Variants in LCN6 observed in about 807,000 individuals in gnomAD.
The protein encoded by LCN6 is epididymal-specific lipocalin-6.
LCN6 carries 20 observed loss-of-function variants against 21.4 expected under a neutral mutation model. The observed-to-expected ratio is 0.93, with a 90% CI of 0.66 to 1.36. The LOEUF (loss-of-function observed/expected upper bound fraction) is 1.36, where lower values mean the gene tolerates loss of function less well. Ranked by LOEUF, LCN6 falls within the 40% of genes most tolerant of loss-of-function variation. The pLI is 0.00. For synonymous variants in LCN6, 96 were observed against 89.0 expected, an observed-to-expected ratio of 1.08 and a Z score of -0.44; for missense variants, 217 against 206.6, an observed-to-expected ratio of 1.05 and a Z score of -0.31.
chr9:136,744,739 G>C lies in LCN6; in HGVS notation c.415C>G (p.Leu139Val), dbSNP rs533216985. The C allele has an allele frequency of 2.7e-4, 427 of 1,607,624 alleles. 1 individual carries two copies. The East Asian group carries it at 9.4e-3, about 35-fold the overall frequency. The change falls in exon 5 of 7, where the codon CTG becomes GTG. Residue 139 changes from leucine (L) to valine (V), a missense_variant and splice_region_variant. By Grantham distance (32) the Leu-to-Val change is conservative. Coordinates refer to ENST00000341206, the MANE Select transcript of LCN6 (RefSeq NM_198946.3). The surrounding 1 kb of genome is among the most constrained non-coding windows in gnomAD (Gnocchi z 4.2). ...GCCTCCTGGCTGGCTGTCTCCGTCA[G>C]ACCTGGGGGCACCAGGGCAGTGCAG... ...EPFNTVELYS[L>V]TETASQEAMG... is the part of the protein sequence containing the mutation.
In LCN6 at chr9:136,744,885, GC is replaced by G; in HGVS notation, c.413-145del. On this transcript the variant is annotated intron_variant, in intron 4 of 6. Transcript: ENST00000341206. The surrounding 1 kb of genome is among the most constrained non-coding windows in gnomAD (Gnocchi z 4.2). The stretch of plus-strand genomic sequence containing the variant: ...TCCAAAGCCACCTCCAGTGCAGCGA[GC>G]CTCAAGGTGGGGGAACTTGGCCTGC... The G allele has an allele frequency of 7.4e-6, 5 of 675,876 alleles. No individual in the cohort carries two copies. The highest frequency in any genetic ancestry group is 5.5e-5 in the East Asian group (2 of 36,636). The allele number at this position is 675,876 out of a possible 1,614,324, so 41.9% of individuals were successfully genotyped here. A position where few individuals can be genotyped will look rare whatever the true frequency, so the allele number is the denominator to read the frequency against.
chr9:136,747,174 TAGTC>T (rs1847049812), intron 2 of LCN6, among the ~76,000 whole-genome samples: 1 of 151,954 alleles, frequency 6.6e-6, no homozygotes, highest in Non-Finnish European at 1.5e-5. Flanking sequence ...TGAAGGAGCA[TAGTC>T]AGAGCAGTGC....
chr9:136,744,328 T>G lies in LCN6; in HGVS notation c.*48+11A>C. 1 of 264,702 alleles carries G rather than the reference T, an allele frequency of 3.8e-6. No homozygotes were observed. The highest frequency in any genetic ancestry group is 2.2e-5 in the African/African-American group (1 of 46,164). 16.4% of individuals were successfully genotyped at this position (264,702 alleles called of 1,614,324 possible). ...AGAGAGCCCAGGGTGAGGCTCAGGATGGCGGCTTACCAGAAGGATCTTGTG... is the reference window on the plus strand; with the variant it reads ...AGAGAGCCCAGGGTGAGGCTCAGGAGGGCGGCTTACCAGAAGGATCTTGTG... On this transcript the variant is annotated intron_variant, in intron 6 of 6. Transcript: ENST00000341206. This position sits in a 1 kb window ranked among gnomAD's most constrained non-coding sequence, Gnocchi z 4.2.
intron 1 of LCN6, among the ~76,000 whole-genome samples, chr9:136,747,778 A>AC: frequency 7.6e-6 from 1 of 132,154 alleles, no homozygotes; most frequent in African/African-American, 2.9e-5. Flanking sequence ...CCAGCCCTCC[A>AC]GCCTCCAGTC....
chr9:136,745,954 C>T (rs899996958), intron 2 of LCN6, 40 bp from the exon 3 acceptor site: 4 of 1,588,018 alleles, frequency 2.5e-6, no homozygotes, highest in South Asian at 1.1e-5. Flanking sequence ...AGGGTCAAGA[C>T]CCCGGGGCCC....
At position 136,744,327 on chromosome 9, in the gene LCN6, A is replaced by C; in HGVS notation, c.*48+12T>G. The stretch of plus-strand genomic sequence containing the variant: ...AAGAGAGCCCAGGGTGAGGCTCAGG[A>C]TGGCGGCTTACCAGAAGGATCTTGT... On this transcript the variant is annotated intron_variant, in intron 6 of 6. Coordinates refer to ENST00000341206, the MANE Select transcript of LCN6 (RefSeq NM_198946.3). The surrounding 1 kb of genome is among the most constrained non-coding windows in gnomAD (Gnocchi z 4.2). The C allele has an allele frequency of 7.6e-6, 2 of 261,714 alleles. No individual in the cohort carries two copies. The highest frequency in any genetic ancestry group is 6.9e-5 in the East Asian group (1 of 14,430). 16.2% of individuals were successfully genotyped at this position (261,714 alleles called of 1,614,324 possible).
rs1847009324 is a variant in LCN6, at chr9:136,744,662, C to G, written c.492G>C (p.Ter164TyrextTer17). 1.2e-6 allele frequency: 2 copies of G among 1,606,262 alleles called. No homozygotes were observed. Among genetic ancestry groups the G allele is most frequent in the Non-Finnish European group, 1.7e-6 (2 of 1,174,908 alleles). ...WSRSLGFLSQ[*>Y] is the part of the protein sequence containing the mutation. The stretch of plus-strand genomic sequence containing the variant: ...CACGGTCCTTCTGCAGCTGGGCCTG[C>G]TACTGTGACAGGAAGCCCAGGCTCC... Residue 164 changes from the stop codon to tyrosine (Y), a stop_lost, in exon 5 of 7, where the codon TAG becomes TAC. Coordinates refer to ENST00000341206, the MANE Select transcript of LCN6 (RefSeq NM_198946.3). The surrounding 1 kb of genome is among the most constrained non-coding windows in gnomAD (Gnocchi z 4.2).
rs1408532497 is a variant in LCN6 at position 136,744,452 on chromosome 9, G to T, written c.*23-88C>A. On this transcript the variant is annotated intron_variant, in intron 5 of 6. Transcript: ENST00000341206. This position sits in a 1 kb window ranked among gnomAD's most constrained non-coding sequence, Gnocchi z 4.2. ...ACCCACAAGACTCGCCTGCCGTGGG[G>T]ACAAGACCCCCAGGCCTGACTTTGG... 3 of 511,836 alleles carry T rather than the reference G, an allele frequency of 5.9e-6. No homozygotes were observed. Among genetic ancestry groups the T allele is most frequent in the Admixed American group, 3.1e-5 (1 of 32,772 alleles). 31.7% of individuals were successfully genotyped at this position (511,836 alleles called of 1,614,324 possible). A position where few individuals can be genotyped will look rare whatever the true frequency, so the allele number is the denominator to read the frequency against.
Position 136,744,976 on chromosome 9 carries a change from C to T in LCN6, c.412+194G>A, listed in dbSNP as rs188364441. On this transcript the variant is annotated intron_variant, in intron 4 of 6. Coordinates refer to ENST00000341206, the MANE Select transcript of LCN6 (RefSeq NM_198946.3). This position sits in a 1 kb window ranked among gnomAD's most constrained non-coding sequence, Gnocchi z 4.2. Reference sequence around the variant, plus strand: ...CATGGCCCCCGAGCGGCCCACTCACCACACAGCTCCCCATGTGGCCCCAAG... The same window carrying T: ...CATGGCCCCCGAGCGGCCCACTCACTACACAGCTCCCCATGTGGCCCCAAG... Among the ~76,000 whole-genome samples the T allele has an allele frequency of 2.0e-5, 3 of 151,140 alleles. No homozygotes were observed. Among genetic ancestry groups the T allele is most frequent in the Non-Finnish European group, 4.4e-5 (3 of 67,754 alleles).
At chr9:136,747,720 CCTCCAG>C (rs1564327630) in intron 1 of LCN6, among the ~76,000 whole-genome samples, 157 bp from the exon 2 acceptor site, 2 of 146,390 alleles carry the variant, frequency 1.4e-5, no homozygotes, top group African/African-American at 2.5e-5. Flanking sequence ...AACCCTCCAG[CCTCCAG>C]CCTTCCAGCC....
chr9:136,748,488 C>T lies in LCN6; in HGVS notation c.-5G>A. On this transcript the variant is annotated 5_prime_UTR_variant, in exon 1 of 7. Coordinates refer to ENST00000341206, the MANE Select transcript of LCN6 (RefSeq NM_198946.3). ...AGCCAGCAGCAGGCCGCCCATCCTC[C>T]CAGGTCTACACTGCGCCGCAGGCCC... The T allele has an allele frequency of 6.2e-7, 1 of 1,612,748 alleles. No individual in the cohort carries two copies. Among genetic ancestry groups the T allele is most frequent in the Non-Finnish European group, 8.5e-7 (1 of 1,179,760 alleles).
Position 136,744,757 on chromosome 9 carries a change from C to T in LCN6, c.413-16G>A. On this transcript the variant is annotated splice_polypyrimidine_tract_variant and intron_variant, in intron 4 of 6. Coordinates refer to ENST00000341206, the MANE Select transcript of LCN6 (RefSeq NM_198946.3). This position sits in a 1 kb window ranked among gnomAD's most constrained non-coding sequence, Gnocchi z 4.2. ...TCCGTCAGACCTGGGGGCACCAGGG[C>T]AGTGCAGGGGGAAGCAACCTCTGAG... 1 of 1,592,550 alleles carries T rather than the reference C, an allele frequency of 6.3e-7. No individual in the cohort carries two copies.
chr9:136,746,045 C>A, intron 2 of LCN6, 131 bp from the exon 3 acceptor site: 1 of 766,350 alleles, frequency 1.3e-6, no homozygotes, highest in Non-Finnish European at 2.2e-6. Context: ...GCCAGATGCC[C>A]CGATGCCCGG....
At position 136,745,077 on chromosome 9, in the gene LCN6, A is replaced by G. The variant is rs76148482; in HGVS notation, c.412+93T>C. 5,097 of 639,634 alleles carry G rather than the reference A, an allele frequency of 8.0e-3. 236 individuals carry two copies. The African/African-American group carries it at 0.11, about 14-fold the overall frequency. 39.6% of individuals were successfully genotyped at this position (639,634 alleles called of 1,614,324 possible). ...CCACACAGCTCCCCACGCGGCCCCC[A>G]AGCGGCCCACGCACCACACAGCTCC... On this transcript the variant is annotated intron_variant, in intron 4 of 6. Transcript: ENST00000341206.
chr9:136,744,673 G>A lies in LCN6; in HGVS notation c.481C>T (p.Leu161=). 6.2e-7 allele frequency: 1 copy of A among 1,608,288 alleles called. No homozygotes were observed. Among genetic ancestry groups the A allele is most frequent in the South Asian group, 1.1e-5 (1 of 90,706 alleles). Residue 161 remains leucine, a synonymous_variant, in exon 5 of 7, where the codon CTG becomes TTG. Transcript: ENST00000341206. This position sits in a 1 kb window ranked among gnomAD's most constrained non-coding sequence, Gnocchi z 4.2. ...FTKWSRSLGF[L]SQ ...TGCAGCTGGGCCTGCTACTGTGACA[G>A]GAAGCCCAGGCTCCTGCTCCACTTG...
Position 136,745,262 on chromosome 9 carries a change from A to G in LCN6, c.320T>C (p.Leu107Pro). 1 of 1,613,212 alleles carries G rather than the reference A, an allele frequency of 6.2e-7. No homozygotes were observed. Among genetic ancestry groups the G allele is most frequent in the Non-Finnish European group, 8.5e-7 (1 of 1,179,640 alleles). The change falls in exon 4 of 7, where the codon CTC becomes CCC. Residue 107 changes from leucine (L) to proline (P), a missense_variant. Physicochemically the swap from Leu to Pro is moderately conservative, Grantham distance 98 (BLOSUM62 -3). Transcript: ENST00000341206. ...FENPSIGVLELWVLATNFRDY... is the reference protein window; with the variant it reads ...FENPSIGVLEPWVLATNFRDY... ...TCTGAAGTTGGTGGCCAGCACCCAG[A>G]GCTCCAGCACGCCTATTGCTAGGAA...
In LCN6 at chr9:136,745,940, A is replaced by C. The variant is rs1847031209; in HGVS notation, c.231-26T>G. 1.9e-6 allele frequency: 3 copies of C among 1,609,454 alleles called. 1 individual carries two copies. The South Asian group carries it at 3.3e-5, about 18-fold the overall frequency. On this transcript the variant is annotated intron_variant, in intron 2 of 6. Transcript: ENST00000341206. ...CTGGAAAAGAAGGGGCCTGTCACCC[A>C]CTCAGGGTCAAGACCCCGGGGCCCG...
chr9:136,745,663 AG>A, intron 3 of LCN6, 180 bp downstream of exon 3: 1 of 648,012 alleles, frequency 1.5e-6, no homozygotes, highest in Non-Finnish European at 2.7e-6. Context: ...GCTGGGAACA[AG>A]GTTCCAATCC....
chr9:136,745,888 A>C lies in LCN6; in HGVS notation c.257T>G (p.Met86Arg). The C allele has an allele frequency of 1.2e-6, 2 of 1,613,720 alleles. No homozygotes were observed. Among genetic ancestry groups the C allele is most frequent in the South Asian group, 2.2e-5 (2 of 91,074 alleles). The stretch of plus-strand genomic sequence containing the variant: ...TCCGGAGTTTCGCTTTATCAGGTCC[A>C]TGACACTCTGGTCACACCCTCCCAG... ...HGLGGCDQSV[M>R]DLIKRNSGWV... The change falls in exon 3 of 7, where the codon ATG (methionine) becomes AGG (arginine). Residue 86 changes from methionine (M) to arginine (R), a missense_variant. By Grantham distance (91) the Met-to-Arg change is moderately conservative (BLOSUM62 -1). Coordinates refer to ENST00000341206, the MANE Select transcript of LCN6 (RefSeq NM_198946.3).
Sources: gnomAD v4.1 joint callset for allele counts (sites outside exome capture counted in the v4.1 genomes callset) on GRCh38, gnomAD v4.1.1 for gene constraint, Gnocchi (gnomAD v3.1) non-coding constraint, MANE v1.5 for transcripts, NCBI Gene and HGNC (gene_info 2026-07-23, HGNC 2026-07-21) for gene names.